The following NANOS1 variants were observed in gnomAD, a reference collection of about 807,000 sequenced individuals.
NANOS1 encodes nanos homolog 1.
In NANOS1, 1 loss-of-function variant was observed where a neutral mutation model predicts 1.1. That is an observed-to-expected ratio of 0.88 (90% CI 0.31 to 4.20). NANOS1 has a LOEUF of 4.20. NANOS1 is among the 30% of genes most tolerant of loss of function. The pLI is 0.17. For synonymous variants in NANOS1, 252 were observed against 230.6 expected, an observed-to-expected ratio of 1.09 and a Z score of -0.84; for missense variants, 537 against 457.9, an observed-to-expected ratio of 1.17 and a Z score of -1.58.
chr10:119,030,405 G>T lies in NANOS1; in HGVS notation c.604G>T (p.Ala202Ser), dbSNP rs932970816. Residue 202 changes from alanine (A) to serine (S), a missense_variant, in exon 1 of 1, where the codon GCG becomes TCG. Transcript: ENST00000425699. The surrounding 1 kb of genome is among the most constrained non-coding windows in gnomAD (Gnocchi z 5.3). ...CCGGCTGCACGCGGCCTCCGGGGCG[G>T]CGGCCGCCCGGCTGCTGAAGCCCGA... is the stretch of plus-strand genomic sequence containing the variant. ...EPRLHAASGA[A>S]AARLLKPELQ... 1.5e-6 allele frequency: 2 copies of T among 1,351,464 alleles called. No individual in the cohort carries two copies. Among genetic ancestry groups the T allele is most frequent in the Non-Finnish European group, 1.9e-6 (2 of 1,047,578 alleles). 83.7% of individuals were successfully genotyped at this position (1,351,464 alleles called of 1,614,324 possible).
chr10:119,029,807 G>A lies in NANOS1; in HGVS notation c.6G>A (p.Glu2=), dbSNP rs903095936. The change falls in exon 1 of 1, where the codon GAG becomes GAA. Residue 2 remains glutamate (E), a synonymous_variant. Transcript: ENST00000425699. The part of the protein sequence containing the change: M[E]AFPWAPRSPR... The stretch of plus-strand genomic sequence containing the variant: ...GCGCGGCCCGCAGCCCGCCCATGGA[G>A]GCTTTCCCCTGGGCGCCCCGCTCGC... 4.4e-5 allele frequency: 49 copies of A among 1,115,660 alleles called. No homozygotes were observed. Among genetic ancestry groups the A allele is most frequent in the Non-Finnish European group, 5.2e-5 (48 of 917,592 alleles). The allele number at this position is 1,115,660 out of a possible 1,614,324, so 69.1% of individuals were successfully genotyped here.
In NANOS1 at chr10:119,030,132, G is replaced by C; in HGVS notation, c.331G>C (p.Asp111His). The change falls in exon 1 of 1, where the codon GAC becomes CAC. Residue 111 changes from aspartate (D) to histidine (H), a missense_variant. Coordinates refer to ENST00000425699, the MANE Select transcript of NANOS1 (RefSeq NM_199461.4). This position sits in a 1 kb window ranked among gnomAD's most constrained non-coding sequence, Gnocchi z 5.3. ...GPPDYDEDDDDDSDEPGSRGR... is the reference protein window; with the variant it reads ...GPPDYDEDDDHDSDEPGSRGR... ...GCCCGACTACGACGAGGACGACGAC[G>C]ACGACAGCGACGAGCCGGGGTCCCG... 7.4e-7 allele frequency: 1 copy of C among 1,344,950 alleles called. No individual in the cohort carries two copies. Among genetic ancestry groups the C allele is most frequent in the Non-Finnish European group, 9.5e-7 (1 of 1,052,062 alleles). 83.3% of individuals were successfully genotyped at this position (1,344,950 alleles called of 1,614,324 possible).
Position 119,030,095 on chromosome 10 carries a change from G to A in NANOS1, c.294G>A (p.Pro98=). 1 of 1,312,374 alleles carries A rather than the reference G, an allele frequency of 7.6e-7. No homozygotes were observed. The highest frequency in any genetic ancestry group is 9.7e-7 in the Non-Finnish European group (1 of 1,036,064). 81.3% of individuals were successfully genotyped at this position (1,312,374 alleles called of 1,614,324 possible). The change falls in exon 1 of 1, where the codon CCG becomes CCA. Residue 98 remains proline (P), a synonymous_variant. Coordinates refer to ENST00000425699, the MANE Select transcript of NANOS1 (RefSeq NM_199461.4). This position sits in a 1 kb window ranked among gnomAD's most constrained non-coding sequence, Gnocchi z 5.3. ...HTGAGPGALG[P]ALGPPDYDED... The stretch of plus-strand genomic sequence containing the variant: ...GGGCCGGGCCTGGGGCGCTGGGGCC[G>A]GCGCTGGGGCCGCCCGACTACGACG...
Position 119,030,013 on chromosome 10 carries a change from G to C in NANOS1, c.212G>C (p.Gly71Ala). ...PRFGCARGGN[G>A]GGGSPPSSSS... ...TTCGGCTGCGCCCGCGGTGGGAACG[G>C]CGGCGGCGGCTCCCCGCCCTCCTCC... Residue 71 changes from glycine to alanine, a missense_variant, in exon 1 of 1, where the codon GGC becomes GCC. By Grantham distance (60) the Gly-to-Ala change is moderately conservative. Coordinates refer to ENST00000425699, the MANE Select transcript of NANOS1 (RefSeq NM_199461.4). This position sits in a 1 kb window ranked among gnomAD's most constrained non-coding sequence, Gnocchi z 5.3. The C allele has an allele frequency of 7.1e-7, 1 of 1,399,318 alleles. No homozygotes were observed. Among genetic ancestry groups the C allele is most frequent in the South Asian group, 1.5e-5 (1 of 66,290 alleles). The allele number at this position is 1,399,318 out of a possible 1,614,324, so 86.7% of individuals were successfully genotyped here. A position where few individuals can be genotyped will look rare whatever the true frequency, so the allele number is the denominator to read the frequency against.
In NANOS1 at chr10:119,029,797, C is replaced by CGCCCATGGAGGCTT. The variant is rs1848012186; in HGVS notation, c.-4_10dup. 1 of 1,057,472 alleles carries CGCCCATGGAGGCTT rather than the reference C, an allele frequency of 9.5e-7. No individual in the cohort carries two copies. Among genetic ancestry groups the CGCCCATGGAGGCTT allele is most frequent in the South Asian group, 4.5e-5 (1 of 22,384 alleles). The allele number at this position is 1,057,472 out of a possible 1,614,324, so 65.5% of individuals were successfully genotyped here. Reference sequence around the variant, plus strand: ...GGGAGGCGGCGCGCGGCCCGCAGCCCGCCCATGGAGGCTTTCCCCTGGGCG... The same window carrying CGCCCATGGAGGCTT: ...GGGAGGCGGCGCGCGGCCCGCAGCCCGCCCATGGAGGCTTGCCCATGGAGGCTTTCCCCTGGGCG... On this transcript the variant is annotated 5_prime_UTR_variant, in exon 1 of 1. It adds an upstream start codon to the 5' untranslated region. Transcript: ENST00000425699.
rs1156917679 is a variant in NANOS1, at chr10:119,030,233, G to A, written c.432G>A (p.Leu144=). 7.8e-7 allele frequency: 1 copy of A among 1,279,024 alleles called. No homozygotes were observed. The highest frequency in any genetic ancestry group is 9.8e-7 in the Non-Finnish European group (1 of 1,016,618). 79.2% of individuals were successfully genotyped at this position (1,279,024 alleles called of 1,614,324 possible). A position where few individuals can be genotyped will look rare whatever the true frequency, so the allele number is the denominator to read the frequency against. ...CGGGCCCCGCCGAGGCCGGGCTGCT[G>A]GAGGAGCGCTTCGCCGAGCTGAGCC... The part of the protein sequence containing the change: ...LCAGPAEAGL[L]EERFAELSPF... The change falls in exon 1 of 1, where the codon CTG becomes CTA. Residue 144 remains leucine (L), a synonymous_variant. Transcript: ENST00000425699. This position sits in a 1 kb window ranked among gnomAD's most constrained non-coding sequence, Gnocchi z 5.3.
rs1848035014 is a variant in NANOS1 at position 119,030,732 on chromosome 10, G to C, written c.*52G>C. On this transcript the variant is annotated 3_prime_UTR_variant, in exon 1 of 1. Coordinates refer to ENST00000425699, the MANE Select transcript of NANOS1 (RefSeq NM_199461.4). This position sits in a 1 kb window ranked among gnomAD's most constrained non-coding sequence, Gnocchi z 5.3. Reference sequence around the variant, plus strand: ...TCGCCGCCGCCCCTCGCACCGCTAGGTCTGCGCACCATCTCGCCCCCGCCG... The same window carrying C: ...TCGCCGCCGCCCCTCGCACCGCTAGCTCTGCGCACCATCTCGCCCCCGCCG... 8.0e-7 allele frequency: 1 copy of C among 1,254,568 alleles called. No homozygotes were observed. The highest frequency in any genetic ancestry group is 1.0e-6 in the Non-Finnish European group (1 of 996,658). The allele number at this position is 1,254,568 out of a possible 1,614,324, so 77.7% of individuals were successfully genotyped here.
rs1324974924 is a variant in NANOS1, at chr10:119,031,730, C to G, written c.*1050C>G. On this transcript the variant is annotated 3_prime_UTR_variant, in exon 1 of 1. Coordinates refer to ENST00000425699, the MANE Select transcript of NANOS1 (RefSeq NM_199461.4). ...ACAAATAGAAGATGGATCTCTAGCT[C>G]TGAGCTATTCGTGTATTAACTCGTA... 2 of 167,080 alleles carry G rather than the reference C, an allele frequency of 1.2e-5. No homozygotes were observed. Among genetic ancestry groups the G allele is most frequent in the African/African-American group, 2.4e-5 (1 of 41,456 alleles). 10.3% of individuals were successfully genotyped at this position (167,080 alleles called of 1,614,324 possible). A position where few individuals can be genotyped will look rare whatever the true frequency, so the allele number is the denominator to read the frequency against.
chr10:119,030,326 C>T lies in NANOS1; in HGVS notation c.525C>T (p.Thr175=). The T allele has an allele frequency of 8.8e-7, 1 of 1,131,396 alleles. No homozygotes were observed. The highest frequency in any genetic ancestry group is 1.1e-6 in the Non-Finnish European group (1 of 926,276). 70.1% of individuals were successfully genotyped at this position (1,131,396 alleles called of 1,614,324 possible). The part of the protein sequence containing the change: ...CAPAAAAAAT[T]TSEATPREER... The stretch of plus-strand genomic sequence containing the variant: ...CCGCCGCCGCCGCCGCCGCCACCAC[C>T]ACCAGCGAGGCGACGCCGCGCGAGG... The change falls in exon 1 of 1, where the codon ACC becomes ACT. Residue 175 remains threonine (T), a synonymous_variant. Transcript: ENST00000425699. This position sits in a 1 kb window ranked among gnomAD's most constrained non-coding sequence, Gnocchi z 5.3.
Position 119,030,636 on chromosome 10 carries a change from C to T in NANOS1, c.835C>T (p.Pro279Ser), listed in dbSNP as rs1159874769. The T allele has an allele frequency of 7.0e-7, 1 of 1,438,816 alleles. No individual in the cohort carries two copies. The highest frequency in any genetic ancestry group is 2.4e-5 in the Admixed American group (1 of 41,952). The allele number at this position is 1,438,816 out of a possible 1,614,324, so 89.1% of individuals were successfully genotyped here. ...KVPPPPARPP[P>S]RSARDGPPGK... ...GCCGCCGCCGCCCGCCCGCCCGCCG[C>T]CCCGCAGCGCCAGGGACGGCCCGCC... The change falls in exon 1 of 1, where the codon CCC (proline) becomes TCC (serine). Residue 279 changes from proline to serine, a missense_variant. Physicochemically the swap from Pro to Ser is moderately conservative, Grantham distance 74 (BLOSUM62 -1). Transcript: ENST00000425699. This position sits in a 1 kb window ranked among gnomAD's most constrained non-coding sequence, Gnocchi z 5.3.
rs1848078783 is a variant in NANOS1 at position 119,033,235 on chromosome 10, A to C, written c.*2555A>C. On this transcript the variant is annotated 3_prime_UTR_variant, in exon 1 of 1. Coordinates refer to ENST00000425699, the MANE Select transcript of NANOS1 (RefSeq NM_199461.4). ...TACCCCATGTTCAGCCCCTGTGCCA[A>C]ATTTGCCTAGGTTTTCCAGCTGACA... is the stretch of plus-strand genomic sequence containing the variant. 1 of 167,086 alleles carries C rather than the reference A, an allele frequency of 6.0e-6. No individual in the cohort carries two copies. 10.4% of individuals were successfully genotyped at this position (167,086 alleles called of 1,614,324 possible).
In NANOS1 at chr10:119,030,609, G is replaced by C; in HGVS notation, c.808G>C (p.Val270Leu). The C allele has an allele frequency of 6.7e-7, 1 of 1,486,666 alleles. No homozygotes were observed. Among genetic ancestry groups the C allele is most frequent in the Non-Finnish European group, 8.9e-7 (1 of 1,120,856 alleles). 92.1% of individuals were successfully genotyped at this position (1,486,666 alleles called of 1,614,324 possible). A position where few individuals can be genotyped will look rare whatever the true frequency, so the allele number is the denominator to read the frequency against. Residue 270 changes from valine to leucine, a missense_variant, in exon 1 of 1, where the codon GTG becomes CTG. Physicochemically the swap from Val to Leu is conservative, Grantham distance 32 (BLOSUM62 1). Transcript: ENST00000425699. The surrounding 1 kb of genome is among the most constrained non-coding windows in gnomAD (Gnocchi z 5.3). ...CATCAAGTACTGCCCGCTCTCCAAA[G>C]TGCCGCCGCCGCCCGCCCGCCCGCC... ...HTIKYCPLSK[V>L]PPPPARPPPR...
chr10:119,030,521 G>T lies in NANOS1; in HGVS notation c.720G>T (p.Leu240=). ...TCAAGGGCCCCGACGGGCGAGTGCT[G>T]TGTCCCGTGCTGCGCCGCTACACGT... The part of the protein sequence containing the change: ...HILKGPDGRV[L]CPVLRRYTCP... The change falls in exon 1 of 1, where the codon CTG becomes CTT. Residue 240 remains leucine (L), a synonymous_variant. Coordinates refer to ENST00000425699, the MANE Select transcript of NANOS1 (RefSeq NM_199461.4). This position sits in a 1 kb window ranked among gnomAD's most constrained non-coding sequence, Gnocchi z 5.3. The T allele has an allele frequency of 1.3e-6, 2 of 1,520,584 alleles. No individual in the cohort carries two copies. Among genetic ancestry groups the T allele is most frequent in the Non-Finnish European group, 8.8e-7 (1 of 1,137,848 alleles). The allele number at this position is 1,520,584 out of a possible 1,614,324, so 94.2% of individuals were successfully genotyped here. A position where few individuals can be genotyped will look rare whatever the true frequency, so the allele number is the denominator to read the frequency against.
Position 119,030,411 on chromosome 10 carries a change from G to C in NANOS1, c.610G>C (p.Ala204Pro). The C allele has an allele frequency of 7.9e-7, 1 of 1,267,770 alleles. No individual in the cohort carries two copies. Among genetic ancestry groups the C allele is most frequent in the East Asian group, 3.9e-5 (1 of 25,514 alleles). The allele number at this position is 1,267,770 out of a possible 1,614,324, so 78.5% of individuals were successfully genotyped here. ...RLHAASGAAA[A>P]RLLKPELQVC... is the part of the protein sequence containing the mutation. ...GCACGCGGCCTCCGGGGCGGCGGCC[G>C]CCCGGCTGCTGAAGCCCGAGCTGCA... Residue 204 changes from alanine to proline, a missense_variant, in exon 1 of 1, where the codon GCC becomes CCC. Transcript: ENST00000425699. The surrounding 1 kb of genome is among the most constrained non-coding windows in gnomAD (Gnocchi z 5.3).
At position 119,031,842 on chromosome 10, in the gene NANOS1, G is replaced by C. The variant is rs552369728; in HGVS notation, c.*1162G>C. On this transcript the variant is annotated 3_prime_UTR_variant, in exon 1 of 1. Transcript: ENST00000425699. ...TAAGCACTAATTAAAGGAATTGTTG[G>C]GGGTCCTTCATGTGTTCCCACTCCT... is the stretch of plus-strand genomic sequence containing the variant. 1.4e-4 allele frequency: 24 copies of C among 167,168 alleles called. No individual in the cohort carries two copies. Among genetic ancestry groups the C allele is most frequent in the African/African-American group, 5.5e-4 (23 of 41,586 alleles). The allele number at this position is 167,168 out of a possible 1,614,324, so 10.4% of individuals were successfully genotyped here.
chr10:119,030,083 G>C lies in NANOS1; in HGVS notation c.282G>C (p.Gly94=). 7.6e-7 allele frequency: 1 copy of C among 1,313,368 alleles called. No individual in the cohort carries two copies. Among genetic ancestry groups the C allele is most frequent in the Non-Finnish European group, 9.6e-7 (1 of 1,036,774 alleles). 81.4% of individuals were successfully genotyped at this position (1,313,368 alleles called of 1,614,324 possible). A position where few individuals can be genotyped will look rare whatever the true frequency, so the allele number is the denominator to read the frequency against. Residue 94 remains glycine, a synonymous_variant, in exon 1 of 1, where the codon GGG becomes GGC. Coordinates refer to ENST00000425699, the MANE Select transcript of NANOS1 (RefSeq NM_199461.4). The surrounding 1 kb of genome is among the most constrained non-coding windows in gnomAD (Gnocchi z 5.3). Reference sequence around the variant, plus strand: ...CCCCCCACACGGGGGCCGGGCCTGGGGCGCTGGGGCCGGCGCTGGGGCCGC... The same window carrying C: ...CCCCCCACACGGGGGCCGGGCCTGGCGCGCTGGGGCCGGCGCTGGGGCCGC... ...CCSPHTGAGP[G]ALGPALGPPD... is the part of the protein sequence containing the mutation.
At position 119,029,876 on chromosome 10, in the gene NANOS1, C is replaced by T; in HGVS notation, c.75C>T (p.Ser25=). The T allele has an allele frequency of 7.7e-7, 1 of 1,292,882 alleles. No homozygotes were observed. Among genetic ancestry groups the T allele is most frequent in the South Asian group, 2.5e-5 (1 of 39,710 alleles). 80.1% of individuals were successfully genotyped at this position (1,292,882 alleles called of 1,614,324 possible). ...RAPPPMALVP[S]ARYVSAPGPA... is the part of the protein sequence containing the mutation. ...CCCCGCCCATGGCGCTCGTGCCCAG[C>T]GCCCGCTACGTGAGCGCCCCGGGCC... Residue 25 remains serine (S), a synonymous_variant, in exon 1 of 1, where the codon AGC becomes AGT. Transcript: ENST00000425699.
At position 119,030,045 on chromosome 10, in the gene NANOS1, T is replaced by C; in HGVS notation, c.244T>C (p.Ser82Pro). ...CGGCTCCCCGCCCTCCTCCTCCTCG[T>C]CGTCCTGCTGCTCCCCCCACACGGG... Reference protein sequence around the residue: ...GGGSPPSSSSSSCCSPHTGAG... With the variant: ...GGGSPPSSSSPSCCSPHTGAG... Residue 82 changes from serine to proline, a missense_variant, in exon 1 of 1, where the codon TCG becomes CCG. By Grantham distance (74) the Ser-to-Pro change is moderately conservative. Coordinates refer to ENST00000425699, the MANE Select transcript of NANOS1 (RefSeq NM_199461.4). This position sits in a 1 kb window ranked among gnomAD's most constrained non-coding sequence, Gnocchi z 5.3. 1 of 1,362,946 alleles carries C rather than the reference T, an allele frequency of 7.3e-7. No individual in the cohort carries two copies. Among genetic ancestry groups the C allele is most frequent in the Non-Finnish European group, 9.5e-7 (1 of 1,057,828 alleles). The allele number at this position is 1,362,946 out of a possible 1,614,324, so 84.4% of individuals were successfully genotyped here. A position where few individuals can be genotyped will look rare whatever the true frequency, so the allele number is the denominator to read the frequency against.
At position 119,030,540 on chromosome 10, in the gene NANOS1, T is replaced by C; in HGVS notation, c.739T>C (p.Tyr247His). 1 of 1,527,980 alleles carries C rather than the reference T, an allele frequency of 6.5e-7. No homozygotes were observed. Among genetic ancestry groups the C allele is most frequent in the Non-Finnish European group, 8.8e-7 (1 of 1,142,106 alleles). The allele number at this position is 1,527,980 out of a possible 1,614,324, so 94.7% of individuals were successfully genotyped here. Residue 247 changes from tyrosine to histidine, a missense_variant, in exon 1 of 1, where the codon TAC becomes CAC. Transcript: ENST00000425699. This position sits in a 1 kb window ranked among gnomAD's most constrained non-coding sequence, Gnocchi z 5.3. ...AGTGCTGTGTCCCGTGCTGCGCCGC[T>C]ACACGTGTCCCCTGTGCGGCGCCAG... ...GRVLCPVLRR[Y>H]TCPLCGASGD...
Sources: gnomAD v4.1 joint callset for allele counts on GRCh38, gnomAD v4.1.1 for gene constraint, Gnocchi (gnomAD v3.1) non-coding constraint, MANE v1.5 for transcripts, NCBI Gene and HGNC (gene_info 2026-07-23, HGNC 2026-07-21) for gene names.